PLA2G4A: variants seen among roughly 807,000 people sequenced by gnomAD.
PLA2G4A encodes cytosolic phospholipase A2.
In PLA2G4A, 40 loss-of-function variants were observed where a neutral mutation model predicts 81.9. The ratio of observed to expected loss-of-function variants is 0.49; its 90% CI spans 0.38 to 0.64. The LOEUF (loss-of-function observed/expected upper bound fraction) is 0.64. Ranked by LOEUF, PLA2G4A falls within the 30% of genes least tolerant of loss-of-function variation. The pLI is 0.00. For synonymous variants in PLA2G4A, 302 were observed against 296.9 expected (o/e 1.02, Z -0.18); for missense variants, 715 against 905.1 (o/e 0.79, Z 2.69).
intron 1 of PLA2G4A, among the ~76,000 whole-genome samples, chr1:186,832,131 T>C (rs1390349203): frequency 1.3e-5 from 2 of 152,140 alleles, no homozygotes; most frequent in Admixed American, 6.5e-5. Flanking sequence ...TCTTGTTGGA[T>C]ATTTAGATAG....
Position 186,988,387 on chromosome 1 carries a change from A to C in PLA2G4A, c.2129A>C (p.Glu710Ala). The stretch of plus-strand genomic sequence containing the variant: ...TGTCTCTATTTGCAGGTGATAAAAG[A>C]AGCCATGGTTGAAAGCATTGAATAT... ...NTLNNIDVIKEAMVESIEYRR... is the reference protein window; with the variant it reads ...NTLNNIDVIKAAMVESIEYRR... The change falls in exon 18 of 18, where the codon GAA becomes GCA. Residue 710 changes from glutamate to alanine, a missense_variant. Coordinates refer to ENST00000367466, the MANE Select transcript of PLA2G4A (RefSeq NM_024420.3). 1 of 1,611,848 alleles carries C rather than the reference A, an allele frequency of 6.2e-7. No individual in the cohort carries two copies. Among genetic ancestry groups the C allele is most frequent in the Non-Finnish European group, 8.5e-7 (1 of 1,178,168 alleles).
intron 7 of PLA2G4A, among the ~76,000 whole-genome samples, chr1:186,916,434 G>A (rs1368245085): frequency 6.6e-6 from 1 of 152,024 alleles, no homozygotes; most frequent in Non-Finnish European, 1.5e-5. Context: ...CCTAATTCAT[G>A]ACAAATGTAC....
chr1:186,840,509 C>A lies in PLA2G4A; in HGVS notation c.-70+11474C>A, dbSNP rs544433421. On this transcript the variant is annotated intron_variant, in intron 1 of 17. Coordinates refer to ENST00000367466, the MANE Select transcript of PLA2G4A (RefSeq NM_024420.3). ...TTAGTGGCCGAACTTTACAGTAACA[C>A]CTGGAAGCAGGTGTACACCCTTCTG... is the stretch of plus-strand genomic sequence containing the variant. Among the ~76,000 whole-genome samples, 9 of 152,234 alleles carry A rather than the reference C, an allele frequency of 5.9e-5. No individual in the cohort carries two copies. The South Asian group carries it at 1.0e-3, about 18-fold the overall frequency.
chr1:186,842,350 A>G (rs1652014731), intron 1 of PLA2G4A, among the ~76,000 whole-genome samples: 1 of 151,978 alleles, frequency 6.6e-6, no homozygotes. Flanking sequence ...GCTGCATATC[A>G]TGTCTTATAT....
intron 15 of PLA2G4A, among the ~76,000 whole-genome samples, chr1:186,966,031 G>A (rs576699850): frequency 6.6e-6 from 1 of 151,750 alleles, no homozygotes; most frequent in African/African-American, 2.4e-5. Flanking sequence ...TAACAAGGGG[G>A]TTTTTTGGTG....
intron 5 of PLA2G4A, among the ~76,000 whole-genome samples, chr1:186,900,688 C>T (rs1194159724): frequency 6.6e-6 from 1 of 152,084 alleles, no homozygotes; most frequent in Non-Finnish European, 1.5e-5. Flanking sequence ...GAAAGTAGCC[C>T]GCTTCAAAAG....
intron 7 of PLA2G4A, among the ~76,000 whole-genome samples, chr1:186,918,351 A>G (rs990705487): frequency 2.0e-5 from 3 of 151,690 alleles, no homozygotes; most frequent in Admixed American, 2.0e-4. Context: ...CCTTTCCCCC[A>G]GAGTTTAACA....
chr1:186,898,803 C>G (rs1238004921), intron 5 of PLA2G4A, among the ~76,000 whole-genome samples: 1 of 152,078 alleles, frequency 6.6e-6, no homozygotes, highest in Admixed American at 6.6e-5. Context: ...ATACTTTACC[C>G]CTACAAACTT....
intron 7 of PLA2G4A, among the ~76,000 whole-genome samples, chr1:186,917,676 A>G (rs976363426): frequency 4.6e-5 from 7 of 152,166 alleles, no homozygotes; most frequent in African/African-American, 1.7e-4. Flanking sequence ...GGAGAAGCAC[A>G]TGGGTTACCT....
intron 6 of PLA2G4A, among the ~76,000 whole-genome samples, chr1:186,908,900 A>G (rs1270986291): frequency 1.3e-5 from 2 of 151,690 alleles, no homozygotes; most frequent in African/African-American, 2.4e-5. Flanking sequence ...AGGAACAGAA[A>G]AGGAAATAAA....
intron 15 of PLA2G4A, among the ~76,000 whole-genome samples, chr1:186,968,404 G>GTGTGTGTGTGTGTC (rs1657212294): frequency 6.7e-6 from 1 of 149,858 alleles, no homozygotes; most frequent in South Asian, 2.1e-4. Context: ...GTGTGTATGT[G>GTGTGTGTGTGTGTC]TGTGTGTGTG....
intron 1 of PLA2G4A, among the ~76,000 whole-genome samples, chr1:186,835,027 G>A (rs1028034791): frequency 1.3e-5 from 2 of 152,106 alleles, no homozygotes; most frequent in Admixed American, 6.6e-5. Context: ...GCTTGACTTA[G>A]TATACATACT....
At chr1:186,873,744 C>A (rs907770411) in intron 3 of PLA2G4A, among the ~76,000 whole-genome samples, 5 of 152,024 alleles carry the variant, frequency 3.3e-5, no homozygotes, top group African/African-American at 1.2e-4. Flanking sequence ...TCAGCAACAA[C>A]CAATAAACTG....
intron 15 of PLA2G4A, among the ~76,000 whole-genome samples, chr1:186,974,742 A>G (rs1657473178): frequency 6.6e-6 from 1 of 152,234 alleles, no homozygotes; most frequent in African/African-American, 2.4e-5. Flanking sequence ...ATCTTTTAAA[A>G]TACTTTCTAA....
chr1:186,896,174 C>T (rs1398682702), intron 5 of PLA2G4A, among the ~76,000 whole-genome samples: 2 of 151,948 alleles, frequency 1.3e-5, no homozygotes, highest in East Asian at 1.9e-4. Flanking sequence ...TTAAATATAT[C>T]GATACTATAC....
At chr1:186,967,755 G>T (rs1334213570) in intron 15 of PLA2G4A, among the ~76,000 whole-genome samples, 1 of 152,116 alleles carries the variant, frequency 6.6e-6, no homozygotes, top group Admixed American at 6.6e-5. Context: ...AGGGGCAGGA[G>T]TGATCTGATT....
At chr1:186,896,178 A>G (rs928794574) in intron 5 of PLA2G4A, among the ~76,000 whole-genome samples, 3 of 152,236 alleles carry the variant, frequency 2.0e-5, no homozygotes, top group African/African-American at 4.8e-5. Context: ...ATATATCGAT[A>G]CTATACACAT....
rs1280091180 is a variant in PLA2G4A at position 186,988,581 on chromosome 1, GTAC to G, written c.*74_*76del. On this transcript the variant is annotated 3_prime_UTR_variant, in exon 18 of 18. Coordinates refer to ENST00000367466, the MANE Select transcript of PLA2G4A (RefSeq NM_024420.3). Reference sequence around the variant, plus strand: ...AATCCCATGACAACTGGATTTAAAAGTACAGTACAGATAGTCGTACTGATCATG... The same window carrying G: ...AATCCCATGACAACTGGATTTAAAAGAGTACAGATAGTCGTACTGATCATG... 2.3e-6 allele frequency: 3 copies of G among 1,319,576 alleles called. No homozygotes were observed. In the African/African-American group the frequency reaches 4.4e-5, roughly 19 times the overall value. The allele number at this position is 1,319,576 out of a possible 1,614,324, so 81.7% of individuals were successfully genotyped here. A position where few individuals can be genotyped will look rare whatever the true frequency, so the allele number is the denominator to read the frequency against.
chr1:186,843,425 G>C (rs1369393221), intron 1 of PLA2G4A, among the ~76,000 whole-genome samples: 1 of 152,092 alleles, frequency 6.6e-6, no homozygotes, highest in Non-Finnish European at 1.5e-5. Flanking sequence ...AAATCCCCCA[G>C]TTTGCTTATT....
Sources: gnomAD v4.1 joint callset for allele counts (sites outside exome capture counted in the v4.1 genomes callset) on GRCh38, gnomAD v4.1.1 for gene constraint, MANE v1.5 for transcripts, NCBI Gene and HGNC (gene_info 2026-07-23, HGNC 2026-07-21) for gene names.